CCDC148: variants seen among roughly 807,000 people sequenced by gnomAD.
The protein encoded by CCDC148 is coiled-coil domain containing 148.
CCDC148 carries 89 observed loss-of-function variants against 85.7 expected under a neutral mutation model. The ratio of observed to expected loss-of-function variants is 1.04; its 90% CI spans 0.87 to 1.24. The LOEUF (loss-of-function observed/expected upper bound fraction) is 1.24. Among genes scored for constraint, CCDC148 ranks in the 50% most tolerant of loss-of-function variants. The pLI is 0.00. For synonymous variants in CCDC148, 230 were observed against 213.9 expected, an observed-to-expected ratio of 1.08 and a Z score of -0.66; for missense variants, 692 against 671.7, an observed-to-expected ratio of 1.03 and a Z score of -0.33.
rs374634444 is a variant in CCDC148, at chr2:158,265,880, G to A, written c.1111-14968C>T. Among the ~76,000 whole-genome samples, 14 of 152,186 alleles carry A rather than the reference G, an allele frequency of 9.2e-5. 2 individuals carry two copies. The highest frequency in any genetic ancestry group is 6.5e-4 in the Admixed American group (10 of 15,268). ...ACAGATCACCCAGTTGGTTGCCTAAGCCAAGAGCCACCCTAGACTTCTTTT... is the reference window on the plus strand; with the variant it reads ...ACAGATCACCCAGTTGGTTGCCTAAACCAAGAGCCACCCTAGACTTCTTTT... On this transcript the variant is annotated intron_variant, in intron 9 of 13. Transcript: ENST00000283233.
chr2:158,406,915 G>A (rs866533431), intron 1 of CCDC148, among the ~76,000 whole-genome samples: 5 of 151,992 alleles, frequency 3.3e-5, no homozygotes, highest in Admixed American at 6.6e-5. Flanking sequence ...GAGCCACCAC[G>A]CTCAGCCTGG....
At chr2:158,179,089 G>GAT in intron 11 of CCDC148, 93 bp from the exon 12 acceptor site, 1 of 799,490 alleles carries the variant, frequency 1.3e-6, no homozygotes, top group Non-Finnish European at 2.0e-6. Flanking sequence ...ACATCTCAGA[G>GAT]GTAACAGCAC....
chr2:158,179,537 G>C (rs1684783832), intron 11 of CCDC148, among the ~76,000 whole-genome samples: 1 of 151,984 alleles, frequency 6.6e-6, no homozygotes, highest in African/African-American at 2.4e-5. Context: ...TTAACTCTCA[G>C]AGTACCCACT....
intron 1 of CCDC148, among the ~76,000 whole-genome samples, chr2:158,432,851 A>G (rs957402833): frequency 6.6e-6 from 1 of 151,874 alleles, no homozygotes; most frequent in East Asian, 1.9e-4. Flanking sequence ...AGGTGGGCAG[A>G]TCACCTGAGG....
chr2:158,423,463 G>C (rs1233678406), intron 1 of CCDC148, among the ~76,000 whole-genome samples: 1 of 152,134 alleles, frequency 6.6e-6, no homozygotes, highest in East Asian at 1.9e-4. Flanking sequence ...ACGAGCAATG[G>C]GGAAAGGATC....
chr2:158,338,665 C>G, intron 7 of CCDC148, 61 bp downstream of exon 7: 1 of 1,270,468 alleles, frequency 7.9e-7, no homozygotes, highest in Non-Finnish European at 1.1e-6. Flanking sequence ...TATAGTGATC[C>G]CAAACAAAAA....
At chr2:158,366,013 C>T (rs1294108649) in intron 1 of CCDC148, 1 of 1,529,070 alleles carries the variant, frequency 6.5e-7, no homozygotes, top group Non-Finnish European at 8.8e-7. Flanking sequence ...AAGAAAAATA[C>T]CTGAGCTATC....
intron 9 of CCDC148, chr2:158,288,860 T>C: frequency 3.2e-6 from 1 of 312,978 alleles, no homozygotes; most frequent in Non-Finnish European, 6.3e-6. Flanking sequence ...GAGGTTTAAT[T>C]GGACTTACAG....
At chr2:158,286,770 G>T (rs1690645642) in intron 9 of CCDC148, among the ~76,000 whole-genome samples, 1 of 152,066 alleles carries the variant, frequency 6.6e-6, no homozygotes, top group Non-Finnish European at 1.5e-5. Context: ...TGGGACAACT[G>T]GGTATCCTTA....
intron 10 of CCDC148, among the ~76,000 whole-genome samples, chr2:158,244,032 C>T (rs1270783389): frequency 6.6e-6 from 1 of 151,998 alleles, no homozygotes; most frequent in Non-Finnish European, 1.5e-5. Flanking sequence ...TTCCAGTTTC[C>T]AATAATACAT....
chr2:158,386,170 T>C (rs940818104), intron 1 of CCDC148, among the ~76,000 whole-genome samples: 2 of 152,252 alleles, frequency 1.3e-5, no homozygotes, highest in African/African-American at 2.4e-5. Flanking sequence ...AGAGCACCTG[T>C]TGCATACATT....
chr2:158,227,190 T>C (rs1687588917), intron 10 of CCDC148, among the ~76,000 whole-genome samples: 1 of 151,830 alleles, frequency 6.6e-6, no homozygotes, highest in South Asian at 2.1e-4. Flanking sequence ...AAATCATGAG[T>C]GAACTCCCAT....
At chr2:158,414,579 TA>T (rs11381898) in intron 1 of CCDC148, among the ~76,000 whole-genome samples, 5 of 149,876 alleles carry the variant, frequency 3.3e-5, no homozygotes, top group African/African-American at 1.2e-4. Context: ...CTTAAAAGTA[TA>T]AAAAAAAAAG....
chr2:158,334,026 A>G (rs933097394), intron 7 of CCDC148, among the ~76,000 whole-genome samples: 20 of 152,088 alleles, frequency 1.3e-4, no homozygotes, highest in African/African-American at 4.3e-4. Context: ...GGTTCCTTTT[A>G]TTCTCCTGCT....
chr2:158,212,780 A>C (rs1173825316), intron 11 of CCDC148, among the ~76,000 whole-genome samples: 1 of 152,148 alleles, frequency 6.6e-6, no homozygotes. Flanking sequence ...AACACGCAAA[A>C]TTTTTACTTG....
Position 158,345,334 on chromosome 2 carries a change from C to T in CCDC148, c.148-16G>A, listed in dbSNP as rs555336136. 2 of 1,571,554 alleles carry T rather than the reference C, an allele frequency of 1.3e-6. No homozygotes were observed. The highest frequency in any genetic ancestry group is 1.7e-6 in the Non-Finnish European group (2 of 1,147,522). ...CTTTTCTGATCTAGATTTAGAGGAACAAAAGAGGAGCAACTTCAAAGTTTT... is the reference window on the plus strand; with the variant it reads ...CTTTTCTGATCTAGATTTAGAGGAATAAAAGAGGAGCAACTTCAAAGTTTT... On this transcript the variant is annotated splice_polypyrimidine_tract_variant and intron_variant, in intron 2 of 13. Transcript: ENST00000283233.
chr2:158,271,803 A>G (rs746289302), intron 9 of CCDC148, among the ~76,000 whole-genome samples: 4 of 152,152 alleles, frequency 2.6e-5, no homozygotes, highest in Non-Finnish European at 4.4e-5. Context: ...CTATTATAGT[A>G]TGGAAATCAG....
At chr2:158,231,425 C>T (rs1687851673) in intron 10 of CCDC148, among the ~76,000 whole-genome samples, 1 of 152,134 alleles carries the variant, frequency 6.6e-6, no homozygotes, top group African/African-American at 2.4e-5. Flanking sequence ...CTTTGACTAC[C>T]TGCATTCCTG....
chr2:158,431,539 C>A (rs150551619), intron 1 of CCDC148, among the ~76,000 whole-genome samples: 1,513 of 150,576 alleles, frequency 0.01, 28 homozygotes, highest in African/African-American at 0.034. Flanking sequence ...TGTGAAATAT[C>A]TTTGAAGAAT....
Sources: allele counts gnomAD v4.1 joint callset (sites outside exome capture counted in the v4.1 genomes callset), GRCh38; gene constraint gnomAD v4.1.1; transcripts MANE v1.5; gene names NCBI Gene and HGNC (gene_info 2026-07-23, HGNC 2026-07-21).